Variants in GPC6 observed in about 807,000 individuals in gnomAD.
The protein encoded by GPC6 is glypican-6.
GPC6 carries 14 observed loss-of-function variants against 55.2 expected under a neutral mutation model. The observed-to-expected ratio is 0.25, with a 90% confidence interval of 0.17 to 0.40. The LOEUF (loss-of-function observed/expected upper bound fraction) is 0.40. GPC6 is among the 10% of genes least tolerant of loss of function. GPC6 has a pLI of 1.00. For missense variants in GPC6, 641 were observed against 708.5 expected (o/e 0.90, Z 1.08); for synonymous variants, 278 against 259.6 (o/e 1.07, Z -0.68).
chr13:93,365,439 A>G (rs1404550955), intron 1 of GPC6, among the ~76,000 whole-genome samples: 1 of 152,120 alleles, frequency 6.6e-6, no homozygotes, highest in Non-Finnish European at 1.5e-5. Context: ...ACAGCTCCAT[A>G]GTACCAATCA....
At chr13:93,966,996 A>G (rs9524290) in intron 3 of GPC6, among the ~76,000 whole-genome samples, 33,864 of 152,028 alleles carry the variant, frequency 0.22, 4,240 homozygotes, top group East Asian at 0.39. Flanking sequence ...AGGTGATGTC[A>G]TAGATTTAAA....
At chr13:94,112,239 A>C (rs755147699) in intron 4 of GPC6, among the ~76,000 whole-genome samples, 1 of 151,920 alleles carries the variant, frequency 6.6e-6, no homozygotes, top group African/African-American at 2.4e-5. Flanking sequence ...GTTTCTACTC[A>C]AAATGTATTT....
chr13:93,225,202 C>T (rs1481988671), upstream of GPC6, among the ~76,000 whole-genome samples: 3 of 152,156 alleles, frequency 2.0e-5, no homozygotes, highest in Admixed American at 1.3e-4. Flanking sequence ...CTCTGGAGTG[C>T]ATAATGCTTT....
intron 1 of GPC6, among the ~76,000 whole-genome samples, chr13:93,340,875 T>C (rs962339493): frequency 2.6e-5 from 4 of 152,196 alleles, no homozygotes; most frequent in Non-Finnish European, 5.9e-5. Context: ...GAAATTTTAG[T>C]GCACCTACCA....
At chr13:94,292,417 C>T (rs1005192542) in intron 5 of GPC6, among the ~76,000 whole-genome samples, 1 of 152,162 alleles carries the variant, frequency 6.6e-6, no homozygotes, top group Non-Finnish European at 1.5e-5. Context: ...GTAGCAAAGC[C>T]AGGACGACCC....
intron 7 of GPC6, among the ~76,000 whole-genome samples, chr13:94,394,568 G>A (rs1417857518): frequency 6.6e-6 from 1 of 152,124 alleles, no homozygotes; most frequent in Non-Finnish European, 1.5e-5. Context: ...AATGTGAGAG[G>A]GAAGAAATAA....
intron 5 of GPC6, among the ~76,000 whole-genome samples, chr13:94,299,891 T>A (rs929769595): frequency 6.6e-6 from 1 of 152,188 alleles, no homozygotes; most frequent in African/African-American, 2.4e-5. Flanking sequence ...TTTCCTTGAG[T>A]ATAAATGGAA....
chr13:94,024,102 GACACACACACAC>G (rs140178004), intron 3 of GPC6, among the ~76,000 whole-genome samples: 1 of 144,192 alleles, frequency 6.9e-6, no homozygotes, highest in East Asian at 2.0e-4. Context: ...ACTGTGTATA[GACACACACACAC>G]ACACACACAC....
chr13:94,367,734 T>G (rs1015035505), intron 6 of GPC6, among the ~76,000 whole-genome samples: 1 of 151,548 alleles, frequency 6.6e-6, no homozygotes, highest in Non-Finnish European at 1.5e-5. Flanking sequence ...CCTACGAAAC[T>G]CAACAAAACT....
At chr13:93,484,225 T>A (rs1467569480) in intron 1 of GPC6, among the ~76,000 whole-genome samples, 1 of 152,176 alleles carries the variant, frequency 6.6e-6, no homozygotes, top group Non-Finnish European at 1.5e-5. Context: ...TTATCATCCT[T>A]GTTTTAATAA....
At chr13:93,643,142 A>T (rs999461205) in intron 2 of GPC6, among the ~76,000 whole-genome samples, 1 of 152,252 alleles carries the variant, frequency 6.6e-6, no homozygotes, top group South Asian at 2.1e-4. Flanking sequence ...TTATTGTGCA[A>T]TGAGTTCCTC....
chr13:93,227,295 GT>G lies in GPC6; in HGVS notation c.-161del. Reference sequence around the variant, plus strand: ...GGCTTATAAAAGTTTGCTGAGCGCAGTCCAGAGGGCTGCGCTGCTCGTCCCC... The same window carrying G: ...GGCTTATAAAAGTTTGCTGAGCGCAGCCAGAGGGCTGCGCTGCTCGTCCCC... On this transcript the variant is annotated 5_prime_UTR_variant, in exon 1 of 9. Transcript: ENST00000377047. This position sits in a 1 kb window ranked among gnomAD's most constrained non-coding sequence, Gnocchi z 4.3. 1.5e-6 allele frequency: 1 copy of G among 668,294 alleles called. No homozygotes were observed. Among genetic ancestry groups the G allele is most frequent in the East Asian group, 2.6e-5 (1 of 38,142 alleles). 41.4% of individuals were successfully genotyped at this position (668,294 alleles called of 1,614,324 possible).
chr13:94,018,445 A>G (rs1026511708), intron 3 of GPC6, among the ~76,000 whole-genome samples: 1 of 151,960 alleles, frequency 6.6e-6, no homozygotes, highest in Non-Finnish European at 1.5e-5. Context: ...ACATGCCACC[A>G]CATCCGGCTA....
chr13:94,284,229 T>C (rs1309732156), intron 4 of GPC6, among the ~76,000 whole-genome samples: 1 of 152,174 alleles, frequency 6.6e-6, no homozygotes, highest in East Asian at 1.9e-4. Context: ...CTATGAGGCC[T>C]TTTCCAAGTC....
chr13:93,660,551 G>T (rs907280937), intron 2 of GPC6, among the ~76,000 whole-genome samples: 2 of 152,120 alleles, frequency 1.3e-5, no homozygotes, highest in Non-Finnish European at 2.9e-5. Flanking sequence ...ATTCTGGAAG[G>T]ATATATAAAT....
chr13:93,781,946 A>T (rs917105734), intron 2 of GPC6, among the ~76,000 whole-genome samples: 1 of 152,168 alleles, frequency 6.6e-6, no homozygotes, highest in Non-Finnish European at 1.5e-5. Context: ...TTTTGTTGGT[A>T]AGAACATTTA....
chr13:93,411,281 C>T (rs1192456872), intron 1 of GPC6, among the ~76,000 whole-genome samples: 2 of 152,090 alleles, frequency 1.3e-5, no homozygotes, highest in African/African-American at 4.8e-5. Flanking sequence ...TCATCATAGC[C>T]CACACTGTCA....
At chr13:93,838,203 G>C (rs564343853) in intron 3 of GPC6, among the ~76,000 whole-genome samples, 12 of 152,160 alleles carry the variant, frequency 7.9e-5, no homozygotes, top group African/African-American at 2.9e-4. Context: ...GGGATTCACA[G>C]TCTATCACGA....
chr13:93,822,151 A>C (rs1446412089), intron 2 of GPC6, among the ~76,000 whole-genome samples: 1 of 152,112 alleles, frequency 6.6e-6, no homozygotes, highest in Non-Finnish European at 1.5e-5. Flanking sequence ...TCATATATAC[A>C]TGTATGTATA....
Sources: allele counts gnomAD v4.1 joint callset (sites outside exome capture counted in the v4.1 genomes callset), GRCh38; gene constraint gnomAD v4.1.1; non-coding constraint Gnocchi (gnomAD v3.1); transcripts MANE v1.5; gene names NCBI Gene and HGNC (gene_info 2026-07-23, HGNC 2026-07-21).